Variants in EML4 observed in about 807,000 individuals in gnomAD.
EML4 encodes the protein EMAP like 4.
EML4 carries 72 observed loss-of-function variants against 129.0 expected under a neutral mutation model. The observed-to-expected ratio is 0.56, with a 90% CI of 0.46 to 0.68. The LOEUF is 0.68. Ranked by LOEUF, EML4 falls within the 30% of genes least tolerant of loss-of-function variation. EML4 has a pLI of 0.00. For synonymous variants in EML4, 532 were observed against 405.0 expected (o/e 1.31, Z -3.77); for missense variants, 1,363 against 1,190.6 (o/e 1.14, Z -2.13).
intron 1 of EML4, among the ~76,000 whole-genome samples, chr2:42,194,028 A>G (rs1351687566): frequency 6.6e-6 from 1 of 152,178 alleles, no homozygotes; most frequent in Non-Finnish European, 1.5e-5. Flanking sequence ...TTATTGTGAA[A>G]TAGTTGCAGA....
At chr2:42,244,651 T>G (rs1675267683) in intron 1 of EML4, among the ~76,000 whole-genome samples, 1 of 152,162 alleles carries the variant, frequency 6.6e-6, no homozygotes, top group Non-Finnish European at 1.5e-5. Flanking sequence ...GTTAATTACA[T>G]AGCAATACCG....
intron 3 of EML4, among the ~76,000 whole-genome samples, chr2:42,260,838 C>G (rs1029802595): frequency 2.6e-5 from 4 of 152,098 alleles, no homozygotes; most frequent in Non-Finnish European, 4.4e-5. Context: ...CATTTGTCCC[C>G]CAAAATCTGC....
intron 17 of EML4, among the ~76,000 whole-genome samples, chr2:42,305,703 A>C (rs1172661318): frequency 6.6e-6 from 1 of 152,194 alleles, no homozygotes; most frequent in Non-Finnish European, 1.5e-5. Flanking sequence ...TTTTTTAAGG[A>C]GACAAAAACA....
At chr2:42,313,924 G>A (rs1324759359) in intron 17 of EML4, among the ~76,000 whole-genome samples, 6 of 147,886 alleles carry the variant, frequency 4.1e-5, no homozygotes, top group Admixed American at 2.0e-4. Flanking sequence ...GTGACAGAGT[G>A]AGACTCCGTC....
At chr2:42,303,737 A>G (rs1668435229) in intron 16 of EML4, among the ~76,000 whole-genome samples, 1 of 152,148 alleles carries the variant, frequency 6.6e-6, no homozygotes, top group South Asian at 2.1e-4. Flanking sequence ...CATCCTGGCT[A>G]ACACGGTGAA....
rs571442081 is a variant in EML4 at position 42,302,207 on chromosome 2, AT to A, written c.1641+822del. On this transcript the variant is annotated intron_variant, in intron 14 of 22. Transcript: ENST00000318522. ...AATTTACAGAGAACTTCCACATTAC[AT>A]TTTTTTAATTGACACATTGTAATTG... Among the ~76,000 whole-genome samples, 22 of 152,138 alleles carry A rather than the reference AT, an allele frequency of 1.4e-4. 1 individual carries two copies. Among genetic ancestry groups the A allele is most frequent in the Admixed American group, 1.3e-3 (20 of 15,280 alleles).
At position 42,277,494 on chromosome 2, in the gene EML4, A is replaced by G. The variant is rs543747639; in HGVS notation, c.668-3356A>G. Among the ~76,000 whole-genome samples the G allele has an allele frequency of 4.2e-4, 64 of 152,278 alleles. 1 individual carries two copies. Among genetic ancestry groups the G allele is most frequent in the Middle Eastern group, 3.4e-3 (1 of 294 alleles). On this transcript the variant is annotated intron_variant, in intron 6 of 22. Coordinates refer to ENST00000318522, the MANE Select transcript of EML4 (RefSeq NM_019063.5). ...GTGGGAGGCCTTAGCCTGTTCTTAGATCAAACTCTGAGGCCAACTACACTG... is the reference window on the plus strand; with the variant it reads ...GTGGGAGGCCTTAGCCTGTTCTTAGGTCAAACTCTGAGGCCAACTACACTG...
chr2:42,329,505 G>T (rs1032477634), intron 22 of EML4, among the ~76,000 whole-genome samples: 3 of 152,064 alleles, frequency 2.0e-5, no homozygotes, highest in African/African-American at 7.2e-5. Flanking sequence ...AACATATAGT[G>T]TGAAAATACA....
At chr2:42,301,967 C>T (rs1047553369) in intron 14 of EML4, among the ~76,000 whole-genome samples, 1 of 151,878 alleles carries the variant, frequency 6.6e-6, no homozygotes, top group African/African-American at 2.4e-5. Flanking sequence ...ATTTGGATTC[C>T]TCTTAGAGTT....
chr2:42,192,096 C>A (rs1290563437), intron 1 of EML4, among the ~76,000 whole-genome samples: 13 of 149,194 alleles, frequency 8.7e-5, no homozygotes, highest in Non-Finnish European at 1.8e-4. Flanking sequence ...CGAGATCAGG[C>A]CATTGCAATA....
intron 10 of EML4, 95 bp from the exon 11 acceptor site, chr2:42,288,132 C>G (rs1667415210): frequency 1.8e-6 from 1 of 543,286 alleles, no homozygotes; most frequent in Admixed American, 3.1e-5. Flanking sequence ...TTTGGGTTAT[C>G]TTACTATTTG....
chr2:42,274,537 T>C (rs954743746), intron 6 of EML4, among the ~76,000 whole-genome samples: 3 of 152,168 alleles, frequency 2.0e-5, no homozygotes. Flanking sequence ...CCCAGAGCCA[T>C]CTCCCTTCTC....
chr2:42,266,351 A>G (rs191453152), intron 6 of EML4, among the ~76,000 whole-genome samples: 1 of 152,312 alleles, frequency 6.6e-6, no homozygotes, highest in African/African-American at 2.4e-5. Flanking sequence ...TACATTATAT[A>G]TCAAAACTTT....
chr2:42,185,514 A>C (rs1671198698), intron 1 of EML4, among the ~76,000 whole-genome samples: 1 of 152,172 alleles, frequency 6.6e-6, no homozygotes, highest in African/African-American at 2.4e-5. Flanking sequence ...CCTTGGGTTA[A>C]GGTTGAGCCA....
At chr2:42,206,679 T>C (rs1224298151) in intron 1 of EML4, among the ~76,000 whole-genome samples, 1 of 152,250 alleles carries the variant, frequency 6.6e-6, no homozygotes, top group African/African-American at 2.4e-5. Flanking sequence ...TTGTCTGATA[T>C]TTCTTCATGA....
chr2:42,245,094 C>CTTTCT (rs1336279430), intron 1 of EML4, among the ~76,000 whole-genome samples: 8 of 66,562 alleles, frequency 1.2e-4, no homozygotes, highest in African/African-American at 4.5e-4. Flanking sequence ...AATTTTCTTT[C>CTTTCT]TTTTTTTTTT....
intron 1 of EML4, among the ~76,000 whole-genome samples, chr2:42,226,920 G>T (rs1157956766): frequency 6.6e-6 from 1 of 151,860 alleles, no homozygotes; most frequent in East Asian, 1.9e-4. Flanking sequence ...TAAAAGAACT[G>T]CTTACTTCTA....
Position 42,245,578 on chromosome 2 carries a change from A to G in EML4, c.99A>G (p.Gln33=), listed in dbSNP as rs990480378. The G allele has an allele frequency of 6.2e-7, 1 of 1,613,966 alleles. No homozygotes were observed. Among genetic ancestry groups the G allele is most frequent in the Non-Finnish European group, 8.5e-7 (1 of 1,179,906 alleles). Residue 33 remains glutamine (Q), a synonymous_variant, in exon 2 of 23, where the codon CAA becomes CAG. Transcript: ENST00000318522. ...CAGCTCTTGAGTCACGAGTTCAGCA[A>G]CAAGAAGATGAAATCACTGTGCTAA... is the stretch of plus-strand genomic sequence containing the variant. ...RLSALESRVQ[Q]QEDEITVLKA...
chr2:42,263,097 G>A (rs988989496), intron 4 of EML4, 81 bp from the exon 5 acceptor site: 11 of 1,182,802 alleles, frequency 9.3e-6, no homozygotes, highest in Non-Finnish European at 1.3e-5. Flanking sequence ...GTTAATTGCT[G>A]CTTTTGTGTT....
Sources: gnomAD v4.1 joint callset for allele counts (sites outside exome capture counted in the v4.1 genomes callset) on GRCh38, gnomAD v4.1.1 for gene constraint, MANE v1.5 for transcripts, NCBI Gene and HGNC (gene_info 2026-07-23, HGNC 2026-07-21) for gene names.